ZNF385D: variants seen among roughly 807,000 people sequenced by gnomAD.
The protein encoded by ZNF385D is zinc finger protein 659.
ZNF385D carries 15 observed loss-of-function variants against 35.8 expected under a neutral mutation model. The ratio of observed to expected loss-of-function variants is 0.42; its 90% CI spans 0.28 to 0.64. The LOEUF (loss-of-function observed/expected upper bound fraction) is 0.64, where lower values mean the gene tolerates loss of function less well. ZNF385D is among the 30% of genes least tolerant of loss of function. The pLI is 0.23. For missense variants in ZNF385D, 474 were observed against 494.6 expected (o/e 0.96, Z 0.39); for synonymous variants, 212 against 186.8 (o/e 1.13, Z -1.10).
chr3:22,330,772 T>G (rs1341926295), intron 2 of ZNF385D, among the ~76,000 whole-genome samples: 2 of 152,230 alleles, frequency 1.3e-5, no homozygotes, highest in Admixed American at 6.5e-5. Flanking sequence ...AATTATTGAA[T>G]AAATGGAGAA....
intron 2 of ZNF385D, among the ~76,000 whole-genome samples, chr3:22,285,101 C>T (rs377520209): frequency 6.6e-6 from 1 of 152,120 alleles, no homozygotes; most frequent in African/African-American, 2.4e-5. Flanking sequence ...TGGAATTTTT[C>T]AGCATTGATT....
intron 3 of ZNF385D, among the ~76,000 whole-genome samples, chr3:21,952,516 T>G (rs1184064301): frequency 6.6e-6 from 1 of 152,010 alleles, no homozygotes; most frequent in African/African-American, 2.4e-5. Context: ...TGGCCTGGGT[T>G]TAAGTCCTGA....
intron 1 of ZNF385D, among the ~76,000 whole-genome samples, chr3:21,672,202 T>C (rs966963655): frequency 5.9e-5 from 9 of 152,162 alleles, no homozygotes; most frequent in African/African-American, 2.2e-4. Context: ...TTTGACATAA[T>C]ATTTGAATTT....
chr3:22,032,857 G>C (rs1320980518), intron 3 of ZNF385D, among the ~76,000 whole-genome samples: 2 of 152,160 alleles, frequency 1.3e-5, no homozygotes, highest in Non-Finnish European at 2.9e-5. Context: ...CCCTGAGCTA[G>C]CGTTCCCATT....
chr3:21,846,745 T>A (rs1696029959), intron 3 of ZNF385D, among the ~76,000 whole-genome samples: 1 of 151,918 alleles, frequency 6.6e-6, no homozygotes, highest in Non-Finnish European at 1.5e-5. Context: ...TGGGAAAGGC[T>A]CAAAGAAGTG....
At chr3:21,533,783 C>T (rs868248636) in intron 3 of ZNF385D, among the ~76,000 whole-genome samples, 2 of 152,028 alleles carry the variant, frequency 1.3e-5, no homozygotes, top group Non-Finnish European at 2.9e-5. Flanking sequence ...GATGGACATC[C>T]ATGTTCAAAT....
chr3:22,163,932 T>C (rs1007677392), intron 3 of ZNF385D, among the ~76,000 whole-genome samples: 1 of 152,162 alleles, frequency 6.6e-6, no homozygotes, highest in African/African-American at 2.4e-5. Flanking sequence ...ACAGGATCTA[T>C]TATTTGTACA....
At chr3:21,949,555 T>TCTCTTTC (rs1559783752) in intron 3 of ZNF385D, among the ~76,000 whole-genome samples, 1 of 115,152 alleles carries the variant, frequency 8.7e-6, no homozygotes, top group African/African-American at 3.3e-5. Flanking sequence ...TCTTTCTTTC[T>TCTCTTTC]TTTTTTTTTT....
Position 22,113,076 on chromosome 3 carries a change from T to A in ZNF385D, c.325+55741A>T, listed in dbSNP as rs145558022. ...GATTGGACCCAAAGTGACAAATCAT[T>A]TACACATCAAGTGCCAACAATGAGC... is the stretch of plus-strand genomic sequence containing the variant. On this transcript the variant is annotated intron_variant, in intron 3 of 5. Coordinates refer to the ZNF385D transcript ENST00000494108. Among the ~76,000 whole-genome samples, 17 of 152,196 alleles carry A rather than the reference T, an allele frequency of 1.1e-4. No individual in the cohort carries two copies. In the East Asian group the frequency reaches 3.3e-3, roughly 29 times the overall value.
chr3:21,815,995 G>A (rs1437365388), intron 3 of ZNF385D, among the ~76,000 whole-genome samples: 2 of 152,140 alleles, frequency 1.3e-5, no homozygotes, highest in South Asian at 2.1e-4. Flanking sequence ...GATCAAGTGG[G>A]CTTCATCCCA....
At chr3:21,749,734 C>T (rs2069966539) in intron 1 of ZNF385D, among the ~76,000 whole-genome samples, 2 of 152,168 alleles carry the variant, frequency 1.3e-5, no homozygotes, top group Admixed American at 1.3e-4. Context: ...ACTGTCAAGA[C>T]AACTAAAGGC....
rs182787108 is a variant in ZNF385D at position 22,252,023 on chromosome 3, A to T, written c.107-82988T>A. Among the ~76,000 whole-genome samples the T allele has an allele frequency of 1.6e-3, 244 of 152,222 alleles. 3 individuals carry two copies. The highest frequency in any genetic ancestry group is 3.7e-3 in the East Asian group (19 of 5,162). The stretch of plus-strand genomic sequence containing the variant: ...CAATAAATGTTATTTAAAAGCCGAA[A>T]TTGAAATGCAACCTAATTCAAATCG... On this transcript the variant is annotated intron_variant, in intron 2 of 5. Coordinates refer to the ZNF385D transcript ENST00000494108.
intron 3 of ZNF385D, among the ~76,000 whole-genome samples, chr3:21,914,476 T>G (rs1032778867): frequency 6.6e-6 from 1 of 151,784 alleles, no homozygotes; most frequent in South Asian, 2.1e-4. Flanking sequence ...ATTGTGTTCC[T>G]ACCAAAAGAT....
intron 3 of ZNF385D, among the ~76,000 whole-genome samples, chr3:22,045,802 C>T (rs143526864): frequency 3.1e-4 from 47 of 152,026 alleles, no homozygotes; most frequent in African/African-American, 1.0e-3. Flanking sequence ...CATGACCTGG[C>T]GATTTCTATA....
At chr3:21,736,982 C>A (rs760832299) in intron 1 of ZNF385D, among the ~76,000 whole-genome samples, 39 of 152,188 alleles carry the variant, frequency 2.6e-4, no homozygotes, top group Admixed American at 2.6e-4. Context: ...CTCCGTCGCC[C>A]AGGCTGGAGT....
chr3:21,475,442 T>C (rs909030165), intron 4 of ZNF385D, among the ~76,000 whole-genome samples: 1 of 152,098 alleles, frequency 6.6e-6, no homozygotes, highest in Non-Finnish European at 1.5e-5. Flanking sequence ...ATTTGATTTT[T>C]GTTTTGAGAA....
At chr3:21,992,657 T>C (rs1313462277) in intron 3 of ZNF385D, among the ~76,000 whole-genome samples, 1 of 152,194 alleles carries the variant, frequency 6.6e-6, no homozygotes, top group East Asian at 1.9e-4. Context: ...TATTATACTA[T>C]ATTGCTATCC....
At chr3:22,324,105 G>C (rs1454206806) in intron 2 of ZNF385D, among the ~76,000 whole-genome samples, 1 of 151,980 alleles carries the variant, frequency 6.6e-6, no homozygotes, top group Non-Finnish European at 1.5e-5. Context: ...ATAACTTGGC[G>C]GGGAAAGGAA....
intron 3 of ZNF385D, among the ~76,000 whole-genome samples, chr3:21,844,481 C>T (rs1050861811): frequency 7.9e-5 from 12 of 150,974 alleles, no homozygotes; most frequent in African/African-American, 2.7e-4. Flanking sequence ...CCGAAGCTCA[C>T]TTTCCCTATG....
Sources: allele counts gnomAD v4.1 joint callset (sites outside exome capture counted in the v4.1 genomes callset), GRCh38; gene constraint gnomAD v4.1.1; transcripts MANE v1.5; gene names NCBI Gene and HGNC (gene_info 2026-07-23, HGNC 2026-07-21).